UFM1: variants seen among roughly 807,000 people sequenced by gnomAD.
UFM1 encodes the protein ubiquitin-fold modifier 1.
A neutral mutation model predicts 15.4 loss-of-function variants in UFM1; 9 were observed. The observed-to-expected ratio is 0.59, with a 90% confidence interval of 0.35 to 1.02. The LOEUF (loss-of-function observed/expected upper bound fraction) is 1.02. UFM1 is among the 50% of genes least tolerant of loss of function. The pLI is 0.02. For missense variants in UFM1, 98 were observed against 104.7 expected, an observed-to-expected ratio of 0.94 and a Z score of 0.28; for synonymous variants, 27 against 36.3, an observed-to-expected ratio of 0.74 and a Z score of 0.92.
chr13:38,358,073 T>C lies in UFM1; in HGVS notation c.118-20T>C. The stretch of plus-strand genomic sequence containing the variant: ...TGTGTGTGTGTATATATATATATAT[T>C]TTTTTTTCCTTCTATTTAGTTTAAA... On this transcript the variant is annotated intron_variant, in intron 3 of 5. Coordinates refer to ENST00000239878, the MANE Select transcript of UFM1 (RefSeq NM_016617.4). 1 of 1,236,514 alleles carries C rather than the reference T, an allele frequency of 8.1e-7. No individual in the cohort carries two copies. Among genetic ancestry groups the C allele is most frequent in the Non-Finnish European group, 1.1e-6 (1 of 917,452 alleles). The allele number at this position is 1,236,514 out of a possible 1,614,324, so 76.6% of individuals were successfully genotyped here.
rs554364443 is a variant in UFM1, at chr13:38,355,893, C to T, written c.117+1597C>T. On this transcript the variant is annotated intron_variant, in intron 3 of 5. Transcript: ENST00000239878. The stretch of plus-strand genomic sequence containing the variant: ...AGAAAGCAAGAGTCTGGATTTAAAT[C>T]CCTCGTAAAATTGCCTTAGTAAGCA... 4.0e-5 allele frequency among the ~76,000 whole-genome samples: 6 copies of T among 151,808 alleles called. No individual in the cohort carries two copies. The South Asian group carries it at 1.0e-3, about 26-fold the overall frequency.
chr13:38,362,492 C>G lies in UFM1; in HGVS notation c.*1714C>G, dbSNP rs563964582. ...TGTTTTTTTTTTTTTGAGGCAGACT[C>G]TCTGTCGCCAGGCTTCTCCTGCCTC... On this transcript the variant is annotated 3_prime_UTR_variant, in exon 6 of 6. Coordinates refer to ENST00000239878, the MANE Select transcript of UFM1 (RefSeq NM_016617.4). 6.9e-6 allele frequency: 1 copy of G among 145,198 alleles called. No homozygotes were observed. The highest frequency in any genetic ancestry group is 1.5e-5 in the Non-Finnish European group (1 of 66,638). The allele number at this position is 145,198 out of a possible 1,614,324, so 9.0% of individuals were successfully genotyped here.
chr13:38,355,899 T>C (rs1353658260), intron 3 of UFM1, among the ~76,000 whole-genome samples: 1 of 151,786 alleles, frequency 6.6e-6, no homozygotes, highest in East Asian at 1.9e-4. Flanking sequence ...AAATCCCTCG[T>C]AAAATTGCCT....
Position 38,363,552 on chromosome 13 carries a change from G to A in UFM1, c.*2774G>A, listed in dbSNP as rs989399642. On this transcript the variant is annotated 3_prime_UTR_variant, in exon 6 of 6. Coordinates refer to ENST00000239878, the MANE Select transcript of UFM1 (RefSeq NM_016617.4). Reference sequence around the variant, plus strand: ...TGGGGTTATTGTAACTGGCTAGGTTGGTAGGTTCCAAACCTGGGTGATAAC... The same window carrying A: ...TGGGGTTATTGTAACTGGCTAGGTTAGTAGGTTCCAAACCTGGGTGATAAC... 1 of 151,372 alleles carries A rather than the reference G, an allele frequency of 6.6e-6. No individual in the cohort carries two copies. Among genetic ancestry groups the A allele is most frequent in the African/African-American group, 2.4e-5 (1 of 41,228 alleles). The allele number at this position is 151,372 out of a possible 1,614,324, so 9.4% of individuals were successfully genotyped here.
At chr13:38,353,691 T>TTGACA (rs536330890) in intron 2 of UFM1, among the ~76,000 whole-genome samples, 260 of 152,234 alleles carry the variant, frequency 1.7e-3, no homozygotes, top group Non-Finnish European at 2.4e-3. Flanking sequence ...TATTGGCATT[T>TTGACA]TGACATAATG....
chr13:38,356,163 C>T (rs1879085320), intron 3 of UFM1, among the ~76,000 whole-genome samples: 1 of 151,850 alleles, frequency 6.6e-6, no homozygotes, highest in Non-Finnish European at 1.5e-5. Context: ...CACATTCTGC[C>T]TAAAGGGAAA....
chr13:38,360,853 A>G lies in UFM1; in HGVS notation c.*75A>G. The stretch of plus-strand genomic sequence containing the variant: ...TTTTTGTTGTTGTAAAATTGAAATC[A>G]GGCATTTAACATACTATGAAAACAC... On this transcript the variant is annotated 3_prime_UTR_variant, in exon 6 of 6. Transcript: ENST00000239878. 6 of 1,291,316 alleles carry G rather than the reference A, an allele frequency of 4.6e-6. No homozygotes were observed. The highest frequency in any genetic ancestry group is 4.5e-6 in the Non-Finnish European group (4 of 897,142). 80.0% of individuals were successfully genotyped at this position (1,291,316 alleles called of 1,614,324 possible).
intron 5 of UFM1, 31 bp from the exon 6 acceptor site, chr13:38,360,680 A>T: frequency 6.6e-7 from 1 of 1,508,268 alleles, no homozygotes; most frequent in Non-Finnish European, 9.1e-7. Context: ...ATTTTTAGAT[A>T]TCTAACTTTA....
intron 5 of UFM1, 31 bp downstream of exon 5, chr13:38,359,364 G>A (rs924795253): frequency 1.2e-6 from 2 of 1,609,600 alleles, no homozygotes; most frequent in Non-Finnish European, 1.7e-6. Context: ...AGAGGAGTGG[G>A]TGGGGTTATA....
At chr13:38,359,116 C>A (rs1486054378) in intron 4 of UFM1, among the ~76,000 whole-genome samples, 185 bp from the exon 5 acceptor site, 3 of 151,942 alleles carry the variant, frequency 2.0e-5, no homozygotes, top group Non-Finnish European at 4.4e-5. Context: ...TGTATGAATG[C>A]AGAATAATAG....
intron 2 of UFM1, among the ~76,000 whole-genome samples, chr13:38,353,104 AT>A (rs937870322): frequency 5.3e-5 from 8 of 152,248 alleles, no homozygotes; most frequent in African/African-American, 1.9e-4. Context: ...CTTTAATAGT[AT>A]TTTGGAGTTG....
intron 5 of UFM1, among the ~76,000 whole-genome samples, chr13:38,360,424 T>C (rs1375337561): frequency 6.6e-6 from 1 of 152,034 alleles, no homozygotes; most frequent in East Asian, 1.9e-4. Flanking sequence ...TATATTATTG[T>C]GTATTGAAGG....
At position 38,353,369 on chromosome 13, in the gene UFM1, GT is replaced by G. The variant is rs538460697; in HGVS notation, c.60-866del. On this transcript the variant is annotated intron_variant, in intron 2 of 5. Transcript: ENST00000239878. ...CCTCTGCTTTGAAAGATTGTTTTCT[GT>G]TTTCACTCATTGTAATTTATGTTAC... 1.8e-3 allele frequency among the ~76,000 whole-genome samples: 274 copies of G among 152,072 alleles called. 2 individuals carry two copies. Among genetic ancestry groups the G allele is most frequent in the Middle Eastern group, 3.4e-3 (1 of 294 alleles).
intron 3 of UFM1, among the ~76,000 whole-genome samples, chr13:38,357,224 C>T (rs1429946503): frequency 1.3e-5 from 2 of 151,850 alleles, no homozygotes; most frequent in Non-Finnish European, 3.0e-5. Flanking sequence ...TGGTTGTTAC[C>T]TGAAAATCTT....
In UFM1 at chr13:38,360,204, CT is replaced by C. The variant is rs1363760157; in HGVS notation, c.191-500del. 3 of 186,798 alleles carry C rather than the reference CT, an allele frequency of 1.6e-5. No individual in the cohort carries two copies. In the Admixed American group the frequency reaches 1.8e-4, roughly 11 times the overall value. The allele number at this position is 186,798 out of a possible 1,614,324, so 11.6% of individuals were successfully genotyped here. A position where few individuals can be genotyped will look rare whatever the true frequency, so the allele number is the denominator to read the frequency against. On this transcript the variant is annotated intron_variant, in intron 5 of 5. Coordinates refer to ENST00000239878, the MANE Select transcript of UFM1 (RefSeq NM_016617.4). ...CTTTAAACTTAGTAGACAAAGGTTTCTTTTTTTCTTAATCGAGAAACTTTCA... is the reference window on the plus strand; with the variant it reads ...CTTTAAACTTAGTAGACAAAGGTTTCTTTTTTCTTAATCGAGAAACTTTCA...
intron 2 of UFM1, among the ~76,000 whole-genome samples, chr13:38,353,920 T>C (rs1307134743): frequency 6.6e-6 from 1 of 152,044 alleles, no homozygotes; most frequent in Non-Finnish European, 1.5e-5. Context: ...TTGAAATCCA[T>C]CTCTAGAAAC....
At position 38,350,126 on chromosome 13, in the gene UFM1, T is replaced by G. The variant is rs2231332; in HGVS notation, c.59+71T>G. 177 of 1,614,020 alleles carry G rather than the reference T, an allele frequency of 1.1e-4. No individual in the cohort carries two copies. Among genetic ancestry groups the G allele is most frequent in the Non-Finnish European group, 1.4e-4 (169 of 1,180,046 alleles). On this transcript the variant is annotated intron_variant, in intron 2 of 5. Transcript: ENST00000239878. ...GGGCTGGGTTGGGGATGATCCGAGC[T>G]TTTCCAACAACTACCCCACGCAGTC...
intron 5 of UFM1, chr13:38,359,793 T>C (rs1454137623): frequency 6.1e-6 from 1 of 162,708 alleles, no homozygotes; most frequent in Non-Finnish European, 1.3e-5. Context: ...AACTGTTAAA[T>C]TTATACAGGT....
chr13:38,360,549 A>G (rs1879322053), intron 5 of UFM1, among the ~76,000 whole-genome samples, 162 bp from the exon 6 acceptor site: 1 of 152,110 alleles, frequency 6.6e-6, no homozygotes, highest in Non-Finnish European at 1.5e-5. Context: ...ATAGGAGAAT[A>G]GGAACAAGAC....
Sources: gnomAD v4.1 joint callset for allele counts (sites outside exome capture counted in the v4.1 genomes callset) on GRCh38, gnomAD v4.1.1 for gene constraint, MANE v1.5 for transcripts, NCBI Gene and HGNC (gene_info 2026-07-23, HGNC 2026-07-21) for gene names.